ADGRL2: variants seen among roughly 807,000 people sequenced by gnomAD.
ADGRL2 encodes the protein calcium-independent alpha-latrotoxin receptor 2.
In ADGRL2, 44 loss-of-function variants were observed where a neutral mutation model predicts 157.4. The ratio of observed to expected loss-of-function variants is 0.28; its 90% CI spans 0.22 to 0.36. The LOEUF is 0.36. ADGRL2 is among the 10% of genes least tolerant of loss of function. The probability of loss-of-function intolerance (pLI) is 1.00; values close to 1 mark genes in which losing one functional copy is unlikely to be tolerated. For synonymous variants in ADGRL2, 585 were observed against 624.7 expected (o/e 0.94, Z 0.95); for missense variants, 1,510 against 1,768.9 (o/e 0.85, Z 2.63).
intron 1 of ADGRL2, among the ~76,000 whole-genome samples, chr1:81,373,512 AGCCTGACTG>A (rs2076195304): frequency 6.6e-6 from 1 of 152,260 alleles, no homozygotes; most frequent in South Asian, 2.1e-4. Context: ...GAACAAACAG[AGCCTGACTG>A]GCAGCAGTTT....
chr1:81,471,521 C>A (rs986617534), intron 2 of ADGRL2, among the ~76,000 whole-genome samples: 1 of 151,962 alleles, frequency 6.6e-6, no homozygotes, highest in Admixed American at 6.6e-5. Context: ...TAACGTACTC[C>A]CTTTGCAAGG....
At chr1:81,325,526 G>T (rs1170188869) in intron 1 of ADGRL2, among the ~76,000 whole-genome samples, 3 of 152,148 alleles carry the variant, frequency 2.0e-5, no homozygotes, top group African/African-American at 7.2e-5. Flanking sequence ...TACCAGAAGG[G>T]CAATTGATTG....
intron 4 of ADGRL2, among the ~76,000 whole-genome samples, chr1:81,937,860 A>G (rs2095332902): frequency 6.6e-6 from 1 of 151,810 alleles, no homozygotes. Flanking sequence ...CAAACTATCA[A>G]TATTTCTAAA....
At chr1:81,971,318 A>T (rs1341481762) in intron 16 of ADGRL2, among the ~76,000 whole-genome samples, 1 of 152,142 alleles carries the variant, frequency 6.6e-6, no homozygotes, top group Non-Finnish European at 1.5e-5. Flanking sequence ...ATACTGTGTG[A>T]GTTCTGTGCT....
chr1:81,955,244 G>A (rs1653118517), intron 10 of ADGRL2, among the ~76,000 whole-genome samples: 1 of 151,880 alleles, frequency 6.6e-6, no homozygotes. Flanking sequence ...CATTGTTGAT[G>A]AATTAAAGTA....
intron 1 of ADGRL2, among the ~76,000 whole-genome samples, chr1:81,708,418 C>T (rs2083813082): frequency 6.6e-6 from 1 of 152,068 alleles, no homozygotes; most frequent in Non-Finnish European, 1.5e-5. Context: ...TTCCATTATG[C>T]ATATCTGTTG....
At chr1:81,765,742 AGTAAAACATACTTTATTTCTGAAAAT>A (rs1295820736) in intron 2 of ADGRL2, among the ~76,000 whole-genome samples, 2 of 152,104 alleles carry the variant, frequency 1.3e-5, no homozygotes, top group Non-Finnish European at 2.9e-5. Context: ...AATGAACAAC[AGTAAAACATACTTTATTTCTGAAAAT>A]GTTAATAATG....
intron 2 of ADGRL2, among the ~76,000 whole-genome samples, chr1:81,549,612 C>T (rs1477524619): frequency 2.0e-5 from 3 of 152,178 alleles, no homozygotes; most frequent in Non-Finnish European, 4.4e-5. Flanking sequence ...AGCAATCCTC[C>T]TGGAATCTGG....
At chr1:81,767,084 C>T (rs2149330484) in intron 2 of ADGRL2, among the ~76,000 whole-genome samples, 1 of 152,092 alleles carries the variant, frequency 6.6e-6, no homozygotes, top group Admixed American at 6.5e-5. Context: ...TTATGTTTTG[C>T]AACAATATGT....
intron 2 of ADGRL2, among the ~76,000 whole-genome samples, chr1:81,454,823 C>A (rs77835296): frequency 6.4e-4 from 97 of 152,132 alleles, no homozygotes; most frequent in Non-Finnish European, 1.2e-3. Context: ...TTTGCTTAAA[C>A]GTTTTAGAAC....
chr1:81,756,715 A>AT (rs975023520), intron 1 of ADGRL2, among the ~76,000 whole-genome samples: 41 of 152,128 alleles, frequency 2.7e-4, no homozygotes, highest in Non-Finnish European at 7.4e-5. Context: ...GGTAATTGTG[A>AT]TTTTTTTATA....
intron 1 of ADGRL2, among the ~76,000 whole-genome samples, chr1:81,757,538 C>T (rs1236098352): frequency 6.6e-6 from 1 of 152,116 alleles, no homozygotes; most frequent in Non-Finnish European, 1.5e-5. Context: ...CAATCTGTAA[C>T]CAATCCAGCT....
At chr1:81,390,537 G>C (rs550805062) in intron 1 of ADGRL2, among the ~76,000 whole-genome samples, 1 of 150,694 alleles carries the variant, frequency 6.6e-6, no homozygotes, top group Non-Finnish European at 1.5e-5. Flanking sequence ...AGCTCAAATA[G>C]CATGATAGAT....
At chr1:81,887,545 A>G (rs1318734164) in intron 2 of ADGRL2, among the ~76,000 whole-genome samples, 1 of 152,202 alleles carries the variant, frequency 6.6e-6, no homozygotes, top group Non-Finnish European at 1.5e-5. Flanking sequence ...TTTTGATATA[A>G]CATGTCATAC....
intron 3 of ADGRL2, among the ~76,000 whole-genome samples, chr1:81,619,369 T>G (rs17456369): frequency 0.13 from 19,116 of 152,090 alleles, 1,656 homozygotes; most frequent in Non-Finnish European, 0.18. Context: ...GATTTCCCTA[T>G]TCACCAACAA....
At chr1:81,984,226 T>A (rs1016023238) in intron 19 of ADGRL2, 2 of 155,226 alleles carry the variant, frequency 1.3e-5, no homozygotes, top group African/African-American at 4.8e-5. Context: ...CTAAATTTTT[T>A]GTCCTGTTTT....
rs532459878 is a variant in ADGRL2, at chr1:81,703,729, T to C, written c.-143+3921T>C. Among the ~76,000 whole-genome samples the C allele has an allele frequency of 5.9e-5, 9 of 152,352 alleles. No homozygotes were observed. In the East Asian group the frequency reaches 1.5e-3, roughly 26 times the overall value. On this transcript the variant is annotated intron_variant, in intron 1 of 20. Transcript: ENST00000359929. Reference sequence around the variant, plus strand: ...ATGAAGAAATGGAAACTGGTTATTATAAAGTTTCACTTAAACATTAACTTG... The same window carrying C: ...ATGAAGAAATGGAAACTGGTTATTACAAAGTTTCACTTAAACATTAACTTG...
intron 2 of ADGRL2, among the ~76,000 whole-genome samples, chr1:81,565,300 C>T (rs61773223): frequency 0.01 from 1,547 of 152,270 alleles, 11 homozygotes; most frequent in Non-Finnish European, 0.015. Context: ...TTTGCACTCT[C>T]CTTAGCTACA....
chr1:81,812,918 T>C (rs1054092163), intron 1 of ADGRL2, among the ~76,000 whole-genome samples: 1 of 151,792 alleles, frequency 6.6e-6, no homozygotes, highest in African/African-American at 2.4e-5. Flanking sequence ...AGACAGTACT[T>C]GATTGAAACC....
Sources: allele counts gnomAD v4.1 joint callset (sites outside exome capture counted in the v4.1 genomes callset), GRCh38; gene constraint gnomAD v4.1.1; transcripts MANE v1.5; gene names NCBI Gene and HGNC (gene_info 2026-07-23, HGNC 2026-07-21).